F13A1: variants seen among roughly 807,000 people sequenced by gnomAD.
F13A1 encodes FSF, A subunit.
A neutral mutation model predicts 80.1 loss-of-function variants in F13A1; 47 were observed. The ratio of observed to expected loss-of-function variants is 0.59; its 90% CI spans 0.46 to 0.75. The LOEUF (loss-of-function observed/expected upper bound fraction) is 0.75, where lower values mean the gene tolerates loss of function less well. F13A1 is among the 30% of genes least tolerant of loss of function. F13A1 has a pLI of 0.00. For synonymous variants in F13A1, 349 were observed against 344.9 expected (o/e 1.01, Z -0.13); for missense variants, 817 against 930.4 (o/e 0.88, Z 1.59).
chr6:6,173,409 C>CTT (rs4053226), intron 12 of F13A1, among the ~76,000 whole-genome samples: 1 of 78,098 alleles, frequency 1.3e-5, no homozygotes, highest in Non-Finnish European at 2.6e-5. Context: ...CCATTCTTTT[C>CTT]TTTTTTTTTT....
chr6:6,236,661 T>C (rs371753492), intron 6 of F13A1, among the ~76,000 whole-genome samples: 4 of 152,176 alleles, frequency 2.6e-5, no homozygotes, highest in Non-Finnish European at 4.4e-5. Flanking sequence ...CTTTTCTCTG[T>C]TATAAACCTA....
chr6:6,287,536 T>C (rs942390117), intron 3 of F13A1, among the ~76,000 whole-genome samples: 1 of 152,150 alleles, frequency 6.6e-6, no homozygotes, highest in East Asian at 1.9e-4. Flanking sequence ...CGTTTGTGGA[T>C]GTTCTGAGTG....
chr6:6,202,143 A>G (rs1043643387), intron 8 of F13A1, among the ~76,000 whole-genome samples: 7 of 152,222 alleles, frequency 4.6e-5, no homozygotes, highest in Non-Finnish European at 7.3e-5. Flanking sequence ...AATATATAGT[A>G]TAGTATAATT....
intron 2 of F13A1, among the ~76,000 whole-genome samples, chr6:6,307,595 G>A (rs1758531562): frequency 6.6e-6 from 1 of 151,944 alleles, no homozygotes; most frequent in Non-Finnish European, 1.5e-5. Context: ...CTTAGAAATG[G>A]GTTTCATCAG....
At chr6:6,153,709 C>A (rs1760423608) in intron 13 of F13A1, among the ~76,000 whole-genome samples, 1 of 152,098 alleles carries the variant, frequency 6.6e-6, no homozygotes, top group South Asian at 2.1e-4. Context: ...AACCAGCAAT[C>A]CTCAGTCTGG....
chr6:6,202,552 C>G (rs1027901199), intron 8 of F13A1, among the ~76,000 whole-genome samples: 2 of 152,098 alleles, frequency 1.3e-5, no homozygotes, highest in Admixed American at 6.5e-5. Flanking sequence ...GTTCTCGGAG[C>G]CTTCATTTGA....
At chr6:6,312,374 A>G (rs150731262) in intron 2 of F13A1, among the ~76,000 whole-genome samples, 1 of 151,788 alleles carries the variant, frequency 6.6e-6, no homozygotes, top group African/African-American at 2.4e-5. Flanking sequence ...ATAATCTCTT[A>G]AAAGTGCGTC....
rs552248922 is a variant in F13A1, at chr6:6,317,624, T to C, written c.130+911A>G. ...TGCTATATGGAGAGCTGCATCAATC[T>C]GGGCTTTCAGGCATTGGTCTCCTTC... On this transcript the variant is annotated intron_variant, in intron 2 of 14. Transcript: ENST00000264870. Among the ~76,000 whole-genome samples, 12 of 152,238 alleles carry C rather than the reference T, an allele frequency of 7.9e-5. 1 individual carries two copies. In the South Asian group the frequency reaches 2.5e-3, roughly 32 times the overall value.
At chr6:6,271,575 G>C (rs550781881) in intron 3 of F13A1, among the ~76,000 whole-genome samples, 1 of 152,176 alleles carries the variant, frequency 6.6e-6, no homozygotes, top group South Asian at 2.1e-4. Flanking sequence ...AAAAGACATC[G>C]GGAAAGACAG....
intron 10 of F13A1, among the ~76,000 whole-genome samples, chr6:6,185,630 A>T (rs1227763171): frequency 6.6e-6 from 1 of 151,724 alleles, no homozygotes; most frequent in African/African-American, 2.4e-5. Flanking sequence ...ATTGTTGGAC[A>T]TTTGGGTTGG....
intron 6 of F13A1, among the ~76,000 whole-genome samples, chr6:6,233,012 C>T (rs555887916): frequency 6.6e-6 from 1 of 152,046 alleles, no homozygotes; most frequent in East Asian, 1.9e-4. Flanking sequence ...CAAAGGAGCG[C>T]AAACTGACAT....
At chr6:6,164,471 T>C (rs1452947121) in intron 13 of F13A1, among the ~76,000 whole-genome samples, 1 of 151,746 alleles carries the variant, frequency 6.6e-6, no homozygotes, top group East Asian at 1.9e-4. Context: ...CCTTCATATG[T>C]ACCCTCAAAT....
intron 6 of F13A1, among the ~76,000 whole-genome samples, chr6:6,239,907 GGAAA>G (rs1757463691): frequency 6.6e-6 from 1 of 152,128 alleles, no homozygotes; most frequent in Non-Finnish European, 1.5e-5. Context: ...AGGAGACAGG[GGAAA>G]GAAAGAGGGT....
At chr6:6,295,316 C>A (rs1256232372) in intron 3 of F13A1, among the ~76,000 whole-genome samples, 1 of 148,792 alleles carries the variant, frequency 6.7e-6, no homozygotes, top group African/African-American at 2.6e-5. Flanking sequence ...TGAGGAATTG[C>A]CACACTGACT....
rs955956890 is a variant in F13A1, at chr6:6,243,137, T to C, written c.798+5175A>G. Among the ~76,000 whole-genome samples, 1 of 151,360 alleles carries C rather than the reference T, an allele frequency of 6.6e-6. No individual in the cohort carries two copies. The highest frequency in any genetic ancestry group is 6.6e-5 in the Admixed American group (1 of 15,140). On this transcript the variant is annotated intron_variant, in intron 6 of 14. Coordinates refer to ENST00000264870, the MANE Select transcript of F13A1 (RefSeq NM_000129.4). This position sits in a 1 kb window ranked among gnomAD's most constrained non-coding sequence, Gnocchi z 4.2. ...ACCACTACCACTATCACCACCATCA[T>C]AAATCACCACCACCACCACATTACG...
chr6:6,157,438 T>TTTG, intron 13 of F13A1, among the ~76,000 whole-genome samples: 1 of 152,124 alleles, frequency 6.6e-6, no homozygotes, highest in Non-Finnish European at 1.5e-5. Flanking sequence ...TAGAAACTTT[T>TTTG]TTTTTTGCTG....
In F13A1 at chr6:6,238,511, T is replaced by C. The variant is rs368299999; in HGVS notation, c.798+9801A>G. ...ACTGGGGATGACTATTAAAGAACAA[T>C]GAAAAAATTTGATTTTATAAAATTT... On this transcript the variant is annotated intron_variant, in intron 6 of 14. Transcript: ENST00000264870. 3.9e-5 allele frequency among the ~76,000 whole-genome samples: 6 copies of C among 152,018 alleles called. No homozygotes were observed. The East Asian group carries it at 1.2e-3, about 29-fold the overall frequency.
chr6:6,228,102 C>A (rs189139562), intron 6 of F13A1, among the ~76,000 whole-genome samples: 1 of 152,264 alleles, frequency 6.6e-6, no homozygotes, highest in Non-Finnish European at 1.5e-5. Context: ...CAGGGTTTGA[C>A]CAGTGGCAGA....
intron 6 of F13A1, among the ~76,000 whole-genome samples, chr6:6,240,540 C>A (rs1459867910): frequency 1.3e-5 from 2 of 152,090 alleles, no homozygotes; most frequent in African/African-American, 4.8e-5. Flanking sequence ...CATGACCCAC[C>A]CCCAGTGCTA....
Sources: allele counts gnomAD v4.1 joint callset (sites outside exome capture counted in the v4.1 genomes callset), GRCh38; gene constraint gnomAD v4.1.1; non-coding constraint Gnocchi (gnomAD v3.1); transcripts MANE v1.5; gene names NCBI Gene and HGNC (gene_info 2026-07-23, HGNC 2026-07-21).